The following ANKRD33B variants were observed in gnomAD, a reference collection of about 807,000 sequenced individuals.
ANKRD33B encodes ankyrin repeat domain 33B, also known as ankyrin repeat domain-containing protein 33B.
A neutral mutation model predicts 21.5 loss-of-function variants in ANKRD33B; 6 were observed. That is an observed-to-expected ratio of 0.28 (90% CI 0.15 to 0.55). ANKRD33B has a LOEUF of 0.55. ANKRD33B is among the 20% of genes least tolerant of loss of function. The pLI, the probability that ANKRD33B is intolerant of heterozygous loss-of-function variation, is 0.94. For synonymous variants in ANKRD33B, 347 were observed against 342.4 expected (o/e 1.01, Z -0.15); for missense variants, 698 against 747.2 (o/e 0.93, Z 0.77).
intron 2 of ANKRD33B, among the ~76,000 whole-genome samples, chr5:10,623,997 G>C (rs1188656400): frequency 6.6e-6 from 1 of 152,188 alleles, no homozygotes; most frequent in Non-Finnish European, 1.5e-5. Flanking sequence ...TCTTCAGTCT[G>C]CTCTCTGGAG....
At chr5:10,598,354 C>T (rs1579724952) in intron 1 of ANKRD33B, among the ~76,000 whole-genome samples, 1 of 152,312 alleles carries the variant, frequency 6.6e-6, no homozygotes, top group East Asian at 1.9e-4. Context: ...GCAACCTCTG[C>T]CTCCTGGGTT....
intron 1 of ANKRD33B, among the ~76,000 whole-genome samples, chr5:10,610,169 T>G (rs1736133242): frequency 6.6e-6 from 1 of 152,186 alleles, no homozygotes; most frequent in Admixed American, 6.5e-5. Context: ...AACTGTAACT[T>G]TCACCCATGA....
rs1735004212 is a variant in ANKRD33B, at chr5:10,564,628, C to T, written c.161C>T (p.Ser54Leu). ...SSLPDTRSIA[S>L]DDSFYPFEDE... ...CTGCCAGACACCCGCAGCATCGCCT[C>T]GGACGACTCTTTCTACCCTTTCGAG... Residue 54 changes from serine (S) to leucine (L), a missense_variant, in exon 1 of 4, where the codon TCG becomes TTG. Physicochemically the swap from Ser to Leu is moderately radical, Grantham distance 145. Coordinates refer to ENST00000296657, the MANE Select transcript of ANKRD33B (RefSeq NM_001164440.2). 2 of 1,534,966 alleles carry T rather than the reference C, an allele frequency of 1.3e-6. No individual in the cohort carries two copies. Among genetic ancestry groups the T allele is most frequent in the African/African-American group, 2.7e-5 (2 of 72,982 alleles).
At chr5:10,630,558 G>A (rs999691549) in intron 2 of ANKRD33B, among the ~76,000 whole-genome samples, 2 of 152,168 alleles carry the variant, frequency 1.3e-5, no homozygotes, top group Non-Finnish European at 2.9e-5. Context: ...AAATCAACTT[G>A]CAAAAGGCAG....
chr5:10,634,734 G>A lies in ANKRD33B; in HGVS notation c.497-3294G>A, dbSNP rs568179260. On this transcript the variant is annotated intron_variant, in intron 2 of 3. Coordinates refer to ENST00000296657, the MANE Select transcript of ANKRD33B (RefSeq NM_001164440.2). ...GCCTCCCAAAGTGCTGGGATTACAG[G>A]AGTGAGCCACTGCACCTGGCCTCAA... is the stretch of plus-strand genomic sequence containing the variant. Among the ~76,000 whole-genome samples the A allele has an allele frequency of 2.0e-5, 3 of 151,602 alleles. No homozygotes were observed. In the South Asian group the frequency reaches 6.3e-4, roughly 32 times the overall value.
chr5:10,656,407 G>A lies in ANKRD33B; in HGVS notation c.*6294G>A, dbSNP rs1737489253. On this transcript the variant is annotated 3_prime_UTR_variant, in exon 4 of 4. Transcript: ENST00000296657. ...GTGGACAGTGTACACTAAGCTGTGA[G>A]TGTGTGCACGGGCGAGCACATGTAT... The A allele has an allele frequency of 6.6e-6, 1 of 152,390 alleles. No homozygotes were observed. The highest frequency in any genetic ancestry group is 2.4e-5 in the African/African-American group (1 of 41,452). The allele number at this position is 152,390 out of a possible 1,614,324, so 9.4% of individuals were successfully genotyped here. A position where few individuals can be genotyped will look rare whatever the true frequency, so the allele number is the denominator to read the frequency against.
At chr5:10,601,990 C>T (rs1384315111) in intron 1 of ANKRD33B, among the ~76,000 whole-genome samples, 3 of 152,170 alleles carry the variant, frequency 2.0e-5, no homozygotes. Context: ...GGCATCCAGG[C>T]CAGGACTAGG....
intron 2 of ANKRD33B, among the ~76,000 whole-genome samples, chr5:10,636,159 G>A (rs1736857220): frequency 7.8e-6 from 1 of 128,374 alleles, no homozygotes; most frequent in Non-Finnish European, 1.8e-5. Context: ...CCATGATTCA[G>A]GTGTTCCTGG....
intron 1 of ANKRD33B, among the ~76,000 whole-genome samples, chr5:10,597,906 A>C (rs959572589): frequency 3.3e-5 from 5 of 152,172 alleles, no homozygotes; most frequent in African/African-American, 1.2e-4. Flanking sequence ...TATCTTGTAC[A>C]TACATGTGTT....
At chr5:10,571,529 T>A (rs894927901) in intron 1 of ANKRD33B, among the ~76,000 whole-genome samples, 1 of 152,180 alleles carries the variant, frequency 6.6e-6, no homozygotes, top group Non-Finnish European at 1.5e-5. Flanking sequence ...AGCCAACAGG[T>A]GTCCACACTG....
intron 2 of ANKRD33B, among the ~76,000 whole-genome samples, chr5:10,624,171 C>A (rs1173613824): frequency 6.7e-6 from 1 of 148,886 alleles, no homozygotes; most frequent in African/African-American, 2.5e-5. Context: ...GCTCTATCGC[C>A]CAGGCTGGGG....
intron 1 of ANKRD33B, among the ~76,000 whole-genome samples, chr5:10,581,857 G>T (rs1268706946): frequency 6.6e-6 from 1 of 152,106 alleles, no homozygotes; most frequent in Non-Finnish European, 1.5e-5. Flanking sequence ...GTAGATTTTG[G>T]ACTTGCCAGC....
chr5:10,592,468 A>G (rs1157726115), intron 1 of ANKRD33B, among the ~76,000 whole-genome samples: 1 of 149,710 alleles, frequency 6.7e-6, no homozygotes, highest in Non-Finnish European at 1.5e-5. Flanking sequence ...AAAAAAAAAA[A>G]AAAAAAAAAT....
At chr5:10,614,903 G>T (rs1736250574) in intron 1 of ANKRD33B, among the ~76,000 whole-genome samples, 1 of 152,052 alleles carries the variant, frequency 6.6e-6, no homozygotes, top group African/African-American at 2.4e-5. Context: ...CAAAAAAAGT[G>T]ATGTTCTTAG....
At chr5:10,645,369 G>A (rs900032909) in intron 3 of ANKRD33B, among the ~76,000 whole-genome samples, 15 of 152,214 alleles carry the variant, frequency 9.9e-5, no homozygotes, top group African/African-American at 3.1e-4. Context: ...AGGGCTTCAC[G>A]CTCCACCCAC....
chr5:10,615,946 G>A (rs1433384389), intron 1 of ANKRD33B, among the ~76,000 whole-genome samples: 1 of 152,148 alleles, frequency 6.6e-6, no homozygotes, highest in African/African-American at 2.4e-5. Flanking sequence ...AACCTCAGTG[G>A]CTTTTAAGTA....
chr5:10,649,531 C>T lies in ANKRD33B; in HGVS notation c.903C>T (p.Asp301=), dbSNP rs978266842. 5 of 1,532,130 alleles carry T rather than the reference C, an allele frequency of 3.3e-6. No individual in the cohort carries two copies. The highest frequency in any genetic ancestry group is 2.7e-5 in the African/African-American group (2 of 72,886). 94.9% of individuals were successfully genotyped at this position (1,532,130 alleles called of 1,614,324 possible). A position where few individuals can be genotyped will look rare whatever the true frequency, so the allele number is the denominator to read the frequency against. The part of the protein sequence containing the change: ...LTPRSVRGPE[D]GGVLDHMVRM... ...CGCGCTCCGTGCGGGGCCCGGAGGA[C>T]GGGGGCGTCCTGGACCACATGGTCC... The change falls in exon 4 of 4, where the codon GAC becomes GAT. Residue 301 remains aspartate, a synonymous_variant. Transcript: ENST00000296657.
chr5:10,607,334 G>A (rs1224746192), intron 1 of ANKRD33B, among the ~76,000 whole-genome samples: 1 of 152,254 alleles, frequency 6.6e-6, no homozygotes, highest in Non-Finnish European at 1.5e-5. Context: ...CAGTCTGGGA[G>A]CAGTTGCATC....
chr5:10,647,567 C>T (rs897579761), intron 3 of ANKRD33B, among the ~76,000 whole-genome samples: 1 of 152,104 alleles, frequency 6.6e-6, no homozygotes, highest in South Asian at 2.1e-4. Context: ...AGTGGGTGGA[C>T]TGGGGAGATT....
Sources: gnomAD v4.1 joint callset for allele counts (sites outside exome capture counted in the v4.1 genomes callset) on GRCh38, gnomAD v4.1.1 for gene constraint, MANE v1.5 for transcripts, NCBI Gene and HGNC (gene_info 2026-07-23, HGNC 2026-07-21) for gene names.